FAM210A: variants seen among roughly 807,000 people sequenced by gnomAD.
The protein encoded by FAM210A is family with sequence similarity 210 member A.
In FAM210A, 13 loss-of-function variants were observed where a neutral mutation model predicts 25.3. The ratio of observed to expected loss-of-function variants is 0.51; its 90% CI spans 0.33 to 0.82. FAM210A has a LOEUF of 0.82. Ranked by LOEUF, FAM210A falls within the 40% of genes least tolerant of loss-of-function variation. The pLI, the probability that FAM210A is intolerant of heterozygous loss-of-function variation, is 0.02. For missense variants in FAM210A, 319 were observed against 323.2 expected (o/e 0.99, Z 0.10); for synonymous variants, 125 against 118.7 (o/e 1.05, Z -0.35).
At chr18:13,696,565 C>T (rs1032700466) in intron 1 of FAM210A, among the ~76,000 whole-genome samples, 13 of 152,164 alleles carry the variant, frequency 8.5e-5, no homozygotes, top group South Asian at 2.1e-4. Flanking sequence ...GATAAAAGAG[C>T]AGAAAAATTC....
intron 3 of FAM210A, among the ~76,000 whole-genome samples, chr18:13,668,958 A>G (rs548484116): frequency 6.6e-6 from 1 of 152,226 alleles, no homozygotes; most frequent in South Asian, 2.1e-4. Context: ...CGACTGTCCT[A>G]CTTCAAACCT....
intron 1 of FAM210A, among the ~76,000 whole-genome samples, chr18:13,703,445 T>C (rs1358870168): frequency 1.3e-5 from 2 of 152,222 alleles, no homozygotes; most frequent in East Asian, 3.8e-4. Context: ...GTAAAAGCAT[T>C]GCACTGTCTT....
At chr18:13,688,837 C>G (rs889787875) in intron 1 of FAM210A, among the ~76,000 whole-genome samples, 1 of 152,280 alleles carries the variant, frequency 6.6e-6, no homozygotes, top group Non-Finnish European at 1.5e-5. Flanking sequence ...TTCGCTCCAG[C>G]TGGTGCTAAA....
intron 1 of FAM210A, among the ~76,000 whole-genome samples, chr18:13,722,753 C>A (rs544928831): frequency 2.8e-4 from 42 of 152,148 alleles, no homozygotes; most frequent in Non-Finnish European, 5.6e-4. Flanking sequence ...ACAAGAGATA[C>A]GGGTTTCTTT....
chr18:13,689,375 A>G (rs937419940), intron 1 of FAM210A, among the ~76,000 whole-genome samples: 2 of 152,206 alleles, frequency 1.3e-5, no homozygotes, highest in Non-Finnish European at 2.9e-5. Flanking sequence ...TCAACAGGCT[A>G]AAGAAATCAT....
intron 1 of FAM210A, among the ~76,000 whole-genome samples, chr18:13,713,725 A>C (rs867754509): frequency 7.0e-6 from 1 of 141,898 alleles, no homozygotes; most frequent in Non-Finnish European, 1.5e-5. Flanking sequence ...GTCACTATAA[A>C]ACACACACAC....
intron 1 of FAM210A, among the ~76,000 whole-genome samples, chr18:13,702,857 C>T (rs546912486): frequency 6.6e-6 from 1 of 152,248 alleles, no homozygotes; most frequent in Non-Finnish European, 1.5e-5. Flanking sequence ...CTAAGAGCAC[C>T]TGTGAGGTTA....
chr18:13,722,126 G>C (rs555544722), intron 1 of FAM210A, among the ~76,000 whole-genome samples: 11 of 151,930 alleles, frequency 7.2e-5, no homozygotes, highest in Admixed American at 2.6e-4. Flanking sequence ...TGCTTATAGA[G>C]ATCAAGTCAG....
At chr18:13,680,648 C>T (rs2043545360) in intron 2 of FAM210A, among the ~76,000 whole-genome samples, 1 of 152,144 alleles carries the variant, frequency 6.6e-6, no homozygotes, top group Non-Finnish European at 1.5e-5. Context: ...TTGTTAATGT[C>T]TTGATATCAA....
chr18:13,693,723 T>C (rs1045713668), intron 1 of FAM210A, among the ~76,000 whole-genome samples: 6 of 152,182 alleles, frequency 3.9e-5, no homozygotes, highest in African/African-American at 7.2e-5. Context: ...CTCAATGAAC[T>C]AGGTATTGAT....
chr18:13,674,901 T>G (rs1347117896), intron 2 of FAM210A, among the ~76,000 whole-genome samples: 8 of 134,108 alleles, frequency 6.0e-5, no homozygotes, highest in African/African-American at 2.2e-4. Flanking sequence ...CCGACTTCTT[T>G]ATTTCCAGTT....
At chr18:13,701,820 T>A (rs1239564210) in intron 1 of FAM210A, among the ~76,000 whole-genome samples, 1 of 152,198 alleles carries the variant, frequency 6.6e-6, no homozygotes, top group Non-Finnish European at 1.5e-5. Context: ...TAGACTGCAG[T>A]ACCAATTGGC....
chr18:13,702,795 T>C (rs1284202), intron 1 of FAM210A, among the ~76,000 whole-genome samples: 135,529 of 152,154 alleles, frequency 0.89, 60,467 homozygotes, highest in East Asian at 0.95. Context: ...TCTTCATAAC[T>C]GTTACCATTT....
intron 1 of FAM210A, among the ~76,000 whole-genome samples, chr18:13,704,212 T>C (rs1030695477): frequency 6.6e-5 from 10 of 152,184 alleles, no homozygotes; most frequent in African/African-American, 2.4e-4. Flanking sequence ...TAAAAGATTA[T>C]AAGAAGGCAT....
intron 2 of FAM210A, among the ~76,000 whole-genome samples, chr18:13,672,176 C>T (rs1387879565): frequency 6.6e-6 from 1 of 152,148 alleles, no homozygotes; most frequent in Non-Finnish European, 1.5e-5. Context: ...CATCACATCA[C>T]ACGGTATCTT....
chr18:13,684,900 A>G (rs987003710), intron 1 of FAM210A, among the ~76,000 whole-genome samples: 2 of 152,198 alleles, frequency 1.3e-5, no homozygotes, highest in Non-Finnish European at 2.9e-5. Flanking sequence ...TAACATAAAG[A>G]TAGCCGGGAA....
At chr18:13,694,876 TTAAAC>T (rs1379072230) in intron 1 of FAM210A, among the ~76,000 whole-genome samples, 51 of 152,178 alleles carry the variant, frequency 3.4e-4, no homozygotes, top group African/African-American at 1.2e-3. Flanking sequence ...TGGGATCTAA[TTAAAC>T]TAAAGAGCTT....
At chr18:13,701,311 C>T (rs537290250) in intron 1 of FAM210A, among the ~76,000 whole-genome samples, 204 of 151,572 alleles carry the variant, frequency 1.3e-3, no homozygotes, top group African/African-American at 4.8e-3. Context: ...GTTTGGAAAT[C>T]GCAACAGAAA....
intron 1 of FAM210A, among the ~76,000 whole-genome samples, chr18:13,699,767 G>T (rs2043723967): frequency 6.6e-6 from 1 of 152,144 alleles, no homozygotes; most frequent in African/African-American, 2.4e-5. Flanking sequence ...AGATAAATGA[G>T]CTGGTTAAGT....
Sources: allele counts gnomAD v4.1 joint callset (sites outside exome capture counted in the v4.1 genomes callset), GRCh38; gene constraint gnomAD v4.1.1; transcripts MANE v1.5; gene names NCBI Gene and HGNC (gene_info 2026-07-23, HGNC 2026-07-21).